ALDH16A1: variants seen among roughly 807,000 people sequenced by gnomAD.
ALDH16A1 encodes aldehyde dehydrogenase family 16 member A1.
ALDH16A1 carries 88 observed loss-of-function variants against 96.1 expected under a neutral mutation model. The ratio of observed to expected loss-of-function variants is 0.92; its 90% confidence interval spans 0.77 to 1.09. The LOEUF (loss-of-function observed/expected upper bound fraction) is 1.09, where lower values mean the gene tolerates loss of function less well. Among genes scored for constraint, ALDH16A1 ranks in the 50% least tolerant of loss-of-function variants. The pLI, the probability that ALDH16A1 is intolerant of heterozygous loss-of-function variation, is 0.00. For missense variants in ALDH16A1, 1,250 were observed against 1,112.6 expected, an observed-to-expected ratio of 1.12 and a Z score of -1.76; for synonymous variants, 522 against 496.4, an observed-to-expected ratio of 1.05 and a Z score of -0.69.
In ALDH16A1 at chr19:49,470,559, T is replaced by C; in HGVS notation, c.*92T>C. 1 of 1,373,404 alleles carries C rather than the reference T, an allele frequency of 7.3e-7. No individual in the cohort carries two copies. Among genetic ancestry groups the C allele is most frequent in the Non-Finnish European group, 9.5e-7 (1 of 1,050,884 alleles). 85.1% of individuals were successfully genotyped at this position (1,373,404 alleles called of 1,614,324 possible). On this transcript the variant is annotated 3_prime_UTR_variant, in exon 17 of 17. Transcript: ENST00000293350. ...TGGGACTTTCCCCTTCTGGTTCCTG[T>C]GTCTCCCAATAAACTCTCTGACCAA...
At chr19:49,464,026 G>C in intron 9 of ALDH16A1, 77 bp downstream of exon 9, 1 of 1,577,314 alleles carries the variant, frequency 6.3e-7, no homozygotes, top group Non-Finnish European at 8.6e-7. Context: ...GAAGCCCTTG[G>C]GGTAACCATG....
intron 1 of ALDH16A1, chr19:49,453,644 G>A (rs921752378): frequency 4.0e-6 from 2 of 505,132 alleles, no homozygotes; most frequent in South Asian, 2.9e-5. Context: ...TGGTTCTCTT[G>A]CCCCTTGATC....
At chr19:49,458,918 G>GGGCT in intron 2 of ALDH16A1, 42 bp from the exon 3 acceptor site, 1 of 1,596,138 alleles carries the variant, frequency 6.3e-7, no homozygotes, top group East Asian at 2.2e-5. Flanking sequence ...GATATGACAT[G>GGGCT]GGCTACTCCT....
intron 4 of ALDH16A1, among the ~76,000 whole-genome samples, chr19:49,460,321 C>A (rs1260309312): frequency 6.6e-6 from 1 of 152,010 alleles, no homozygotes; most frequent in Non-Finnish European, 1.5e-5. Flanking sequence ...CTCACTGATA[C>A]CTCGACCTCC....
chr19:49,469,239 C>A, intron 16 of ALDH16A1: 1 of 370,410 alleles, frequency 2.7e-6, no homozygotes, highest in Non-Finnish European at 4.8e-6. Context: ...GGACCACACC[C>A]TAGATTTGGA....
chr19:49,462,869 G>A, intron 8 of ALDH16A1, 114 bp downstream of exon 8: 1 of 699,456 alleles, frequency 1.4e-6, no homozygotes, highest in Non-Finnish European at 2.1e-6. Flanking sequence ...CGAGGAAGGA[G>A]GGGCTGGGAG....
At position 49,462,021 on chromosome 19, in the gene ALDH16A1, G is replaced by A; in HGVS notation, c.897G>A (p.Trp299Ter). The A allele has an allele frequency of 6.5e-7, 1 of 1,542,080 alleles. No homozygotes were observed. Among genetic ancestry groups the A allele is most frequent in the Non-Finnish European group, 8.7e-7 (1 of 1,148,036 alleles). Residue 299 changes from tryptophan (W) to a stop codon, truncating the protein, a stop_gained, in exon 7 of 17, where the codon TGG becomes TGA. Transcript: ENST00000293350. LOFTEE classifies it high-confidence loss of function. ...SAVEGVVDAAWSDRGPGGLRL... is the reference protein window; with the variant it reads ...SAVEGVVDAA ...TGGAGGGTGTCGTGGACGCCGCCTG[G>A]TCCGACCGCGGCCCGGTGAGACCCG...
At chr19:49,460,974 C>A in intron 5 of ALDH16A1, 75 bp downstream of exon 5, 3 of 1,494,110 alleles carry the variant, frequency 2.0e-6, no homozygotes, top group South Asian at 1.1e-5. Context: ...ACTCCAGAGT[C>A]TGAGAGACAA....
chr19:49,466,134 G>A lies in ALDH16A1; in HGVS notation c.1789G>A (p.Ala597Thr). 1 of 1,556,236 alleles carries A rather than the reference G, an allele frequency of 6.4e-7. No homozygotes were observed. The highest frequency in any genetic ancestry group is 8.7e-7 in the Non-Finnish European group (1 of 1,153,234). The change falls in exon 14 of 17, where the codon GCT (alanine) becomes ACT (threonine). Residue 597 changes from alanine (A) to threonine (T), a missense_variant. Transcript: ENST00000293350. ...GGCAGCCCTGCTGTGGGCCCTGGCG[G>A]CTGCACTGGAGCGCCGGAAGTCTAC... is the stretch of plus-strand genomic sequence containing the variant. ...ARAALLWALA[A>T]ALERRKSTLA...
intron 1 of ALDH16A1, among the ~76,000 whole-genome samples, chr19:49,456,224 G>A (rs1337442992): frequency 1.3e-5 from 2 of 152,104 alleles, no homozygotes; most frequent in African/African-American, 2.4e-5. Flanking sequence ...TTATCCCAGC[G>A]CTGTTTCCTT....
chr19:49,468,798 C>A lies in ALDH16A1; in HGVS notation c.2125-66C>A. 6.4e-7 allele frequency: 1 copy of A among 1,560,882 alleles called. No individual in the cohort carries two copies. ...ATCCCCTTCCCTCCCATGGGCACCCCCTGAATGCCCACTCCTTGCCCTGCC... is the reference window on the plus strand; with the variant it reads ...ATCCCCTTCCCTCCCATGGGCACCCACTGAATGCCCACTCCTTGCCCTGCC... On this transcript the variant is annotated intron_variant, in intron 15 of 16. Transcript: ENST00000293350. The surrounding 1 kb of genome is among the most constrained non-coding windows in gnomAD (Gnocchi z 4.4).
intron 14 of ALDH16A1, among the ~76,000 whole-genome samples, chr19:49,467,312 C>T (rs1382478206): frequency 1.3e-5 from 2 of 152,036 alleles, no homozygotes; most frequent in African/African-American, 2.4e-5. Flanking sequence ...TGAGCCACTG[C>T]GCCTGGCCAG....
rs761523248 is a variant in ALDH16A1 at position 49,461,647 on chromosome 19, G to C, written c.606G>C (p.Pro202=). The C allele has an allele frequency of 2.1e-5, 34 of 1,600,730 alleles. No individual in the cohort carries two copies. The highest frequency in any genetic ancestry group is 2.9e-5 in the Non-Finnish European group (34 of 1,174,166). ...GCACCGTGGTGGCCCTCGTGCCCCC[G>C]GCCTCCCCGGCGCCCCTCCTCCTGG... is the stretch of plus-strand genomic sequence containing the variant. ...VGCTVVALVP[P]ASPAPLLLAQ... is the part of the protein sequence containing the mutation. The change falls in exon 6 of 17, where the codon CCG becomes CCC. Residue 202 remains proline (P), a synonymous_variant. Coordinates refer to ENST00000293350, the MANE Select transcript of ALDH16A1 (RefSeq NM_153329.4).
chr19:49,455,849 G>T (rs531054661), intron 1 of ALDH16A1, among the ~76,000 whole-genome samples: 5 of 152,210 alleles, frequency 3.3e-5, no homozygotes, highest in Admixed American at 6.5e-5. Flanking sequence ...CTCTGGGCCA[G>T]ACTCAACCAA....
At position 49,463,574 on chromosome 19, in the gene ALDH16A1, T is replaced by C. The variant is rs542423787; in HGVS notation, c.1099-280T>C. 3.7e-3 allele frequency among the ~76,000 whole-genome samples: 69 copies of C among 18,824 alleles called. 6 individuals carry two copies. Among genetic ancestry groups the C allele is most frequent in the African/African-American group, 0.024 (62 of 2,602 alleles). The allele number at this position is 18,824 out of a possible 152,430, so 12.3% of individuals were successfully genotyped here. On this transcript the variant is annotated intron_variant, in intron 8 of 16. Transcript: ENST00000293350. ...GAGGGAGGAGGTGCTGGGGCCTGGA[T>C]TCCTGGGTCTGAGGGAGGAGGGGCT...
rs55713893 is a variant in ALDH16A1, at chr19:49,470,648, CTTTT to C, written c.*196_*199del. The C allele has an allele frequency of 2.7e-3, 924 of 340,558 alleles. No homozygotes were observed. Among genetic ancestry groups the C allele is most frequent in the South Asian group, 5.6e-3 (65 of 11,586 alleles). The allele number at this position is 340,558 out of a possible 1,614,324, so 21.1% of individuals were successfully genotyped here. On this transcript the variant is annotated 3_prime_UTR_variant, in exon 17 of 17. Coordinates refer to ENST00000293350, the MANE Select transcript of ALDH16A1 (RefSeq NM_153329.4). ...CTTCTGGCAGATATGAGGCTTTTTTCTTTTTTTTTTTTTTTTTTGAGACAACGTC... is the reference window on the plus strand; with the variant it reads ...CTTCTGGCAGATATGAGGCTTTTTTCTTTTTTTTTTTTTTGAGACAACGTC...
rs1014427637 is a variant in ALDH16A1 at position 49,468,956 on chromosome 19, C to T, written c.2217C>T (p.Val739=). 7.4e-6 allele frequency: 12 copies of T among 1,613,816 alleles called. No homozygotes were observed. The highest frequency in any genetic ancestry group is 1.0e-5 in the Non-Finnish European group (12 of 1,179,834). ...LTRCLALHQD[V]QAMWYFGSAQ... is the part of the protein sequence containing the mutation. ...GCTGCCTGGCCTTGCACCAAGACGTCCAGGCCATGTGGTATTTCGGATCAG... is the reference window on the plus strand; with the variant it reads ...GCTGCCTGGCCTTGCACCAAGACGTTCAGGCCATGTGGTATTTCGGATCAG... Residue 739 remains valine (V), a synonymous_variant, in exon 16 of 17, where the codon GTC becomes GTT. Transcript: ENST00000293350. This position sits in a 1 kb window ranked among gnomAD's most constrained non-coding sequence, Gnocchi z 4.4.
At chr19:49,458,818 G>A (rs1279055670) in intron 2 of ALDH16A1, 142 bp from the exon 3 acceptor site, 7 of 1,259,668 alleles carry the variant, frequency 5.6e-6, no homozygotes, top group Non-Finnish European at 7.8e-6. Context: ...CCTTGCCCTG[G>A]AGGTGATCAT....
intron 4 of ALDH16A1, among the ~76,000 whole-genome samples, chr19:49,460,406 T>A (rs1227574283): frequency 6.8e-6 from 1 of 146,124 alleles, no homozygotes; most frequent in Non-Finnish European, 1.5e-5. Flanking sequence ...CCTGACTAGT[T>A]TTTGTTTTTG....
Sources: gnomAD v4.1 joint callset for allele counts (sites outside exome capture counted in the v4.1 genomes callset) on GRCh38, gnomAD v4.1.1 for gene constraint, Gnocchi (gnomAD v3.1) non-coding constraint, MANE v1.5 for transcripts, NCBI Gene and HGNC (gene_info 2026-07-23, HGNC 2026-07-21) for gene names.